SDK1: variants seen among roughly 807,000 people sequenced by gnomAD.
SDK1 encodes the protein sidekick cell adhesion molecule 1.
SDK1 carries 157 observed loss-of-function variants against 245.5 expected under a neutral mutation model. The observed-to-expected ratio is 0.64, with a 90% CI of 0.56 to 0.73. The LOEUF (loss-of-function observed/expected upper bound fraction) is 0.73, where lower values mean the gene tolerates loss of function less well. SDK1 is among the 30% of genes least tolerant of loss of function. The probability of loss-of-function intolerance (pLI) is 0.00; values close to 1 mark genes in which losing one functional copy is unlikely to be tolerated. For synonymous variants in SDK1, 1,647 were observed against 1,278.5 expected (o/e 1.29, Z -6.15); for missense variants, 3,583 against 3,002.3 (o/e 1.19, Z -4.52).
chr7:3,897,422 C>T (rs1781640222), intron 5 of SDK1, among the ~76,000 whole-genome samples: 1 of 152,274 alleles, frequency 6.6e-6, no homozygotes, highest in South Asian at 2.1e-4. Context: ...AATTCTACTA[C>T]TCTAGAGGCC....
At chr7:3,911,783 C>G (rs940867652) in intron 5 of SDK1, among the ~76,000 whole-genome samples, 1 of 152,178 alleles carries the variant, frequency 6.6e-6, no homozygotes, top group Non-Finnish European at 1.5e-5. Flanking sequence ...GTCAGCTGAA[C>G]AAGGAGCAGG....
intron 1 of SDK1, among the ~76,000 whole-genome samples, chr7:3,390,338 A>T (rs1212758023): frequency 6.6e-6 from 1 of 152,198 alleles, no homozygotes; most frequent in Non-Finnish European, 1.5e-5. Context: ...AGCTTTGCTC[A>T]TCAGCCTTTT....
chr7:3,579,738 GA>G (rs760723930), intron 1 of SDK1, among the ~76,000 whole-genome samples: 1 of 152,142 alleles, frequency 6.6e-6, no homozygotes, highest in Non-Finnish European at 1.5e-5. Context: ...AAACCATTTG[GA>G]AAGCAGTGTT....
At chr7:3,798,432 T>C (rs1182810260) in intron 4 of SDK1, among the ~76,000 whole-genome samples, 1 of 152,060 alleles carries the variant, frequency 6.6e-6, no homozygotes, top group Non-Finnish European at 1.5e-5. Flanking sequence ...TTAGCCATGA[T>C]GGTCTTGATC....
chr7:3,793,460 G>A (rs1314367592), intron 4 of SDK1, among the ~76,000 whole-genome samples: 1 of 152,210 alleles, frequency 6.6e-6, no homozygotes, highest in Admixed American at 6.5e-5. Flanking sequence ...CACAATGACG[G>A]TGGCTTTCAG....
chr7:3,987,938 C>G (rs1361628034), intron 14 of SDK1, among the ~76,000 whole-genome samples: 1 of 152,080 alleles, frequency 6.6e-6, no homozygotes, highest in Non-Finnish European at 1.5e-5. Flanking sequence ...TCCGCTCTCC[C>G]TGGAATCTCT....
At chr7:4,227,203 A>G (rs942906794) in intron 40 of SDK1, 11 of 319,072 alleles carry the variant, frequency 3.4e-5, no homozygotes, top group South Asian at 3.0e-4. Flanking sequence ...CAGCAGGTTC[A>G]GCAAGAGGGG....
intron 20 of SDK1, among the ~76,000 whole-genome samples, chr7:4,071,758 G>C (rs1780270895): frequency 1.3e-5 from 2 of 152,178 alleles, no homozygotes; most frequent in South Asian, 4.1e-4. Flanking sequence ...TTAGAGCTCT[G>C]CTTACCACTG....
At chr7:4,158,308 C>G in intron 30 of SDK1, 140 bp from the exon 31 acceptor site, 1 of 639,570 alleles carries the variant, frequency 1.6e-6, no homozygotes, top group Non-Finnish European at 2.7e-6. Flanking sequence ...CCTTGCTAAG[C>G]TGTCTCGGGC....
At chr7:3,879,447 A>G (rs1781152589) in intron 5 of SDK1, among the ~76,000 whole-genome samples, 1 of 152,168 alleles carries the variant, frequency 6.6e-6, no homozygotes, top group South Asian at 2.1e-4. Flanking sequence ...CTTGCCCCTG[A>G]TGTCAGAACT....
intron 4 of SDK1, among the ~76,000 whole-genome samples, chr7:3,673,909 T>C (rs1490153236): frequency 1.3e-5 from 2 of 152,202 alleles, no homozygotes; most frequent in Non-Finnish European, 2.9e-5. Context: ...TTCTTAAATA[T>C]AAACCCAAAG....
intron 1 of SDK1, among the ~76,000 whole-genome samples, chr7:3,441,397 CA>C (rs1467398926): frequency 6.7e-6 from 1 of 149,230 alleles, no homozygotes; most frequent in East Asian, 1.9e-4. Flanking sequence ...AAACAAAAAA[CA>C]AACAAAAAAA....
rs777131507 is a variant in SDK1, at chr7:3,821,496, A to G, written c.760A>G (p.Ser254Gly). 7 of 1,613,848 alleles carry G rather than the reference A, an allele frequency of 4.3e-6. No individual in the cohort carries two copies. The highest frequency in any genetic ancestry group is 5.9e-6 in the Non-Finnish European group (7 of 1,179,858). The change falls in exon 5 of 45, where the codon AGT becomes GGT. Residue 254 changes from serine (S) to glycine (G), a missense_variant. Coordinates refer to ENST00000404826, the MANE Select transcript of SDK1 (RefSeq NM_152744.4). Reference protein sequence around the residue: ...NQLVILATTTSDAGAYYVQAV... With the variant: ...NQLVILATTTGDAGAYYVQAV... The stretch of plus-strand genomic sequence containing the variant: ...GCTGGTGATCCTCGCCACCACAACC[A>G]GTGATGCCGGGGCATACTACGTGCA...
chr7:3,972,308 T>TGAGCTCGTGATCCACCTGTCTC, intron 12 of SDK1, among the ~76,000 whole-genome samples: 1 of 152,276 alleles, frequency 6.6e-6, no homozygotes, highest in African/African-American at 2.4e-5. Context: ...CTCGATGTCT[T>TGAGCTCGTGATCCACCTGTCTC]GACCTCGTGA....
At chr7:3,951,507 A>C (rs898442814) in intron 6 of SDK1, among the ~76,000 whole-genome samples, 1 of 152,194 alleles carries the variant, frequency 6.6e-6, no homozygotes, top group Non-Finnish European at 1.5e-5. Context: ...TGCTGCGGCA[A>C]TTAGATATCC....
chr7:3,405,176 A>C (rs942034639), intron 1 of SDK1, among the ~76,000 whole-genome samples: 6 of 143,416 alleles, frequency 4.2e-5, no homozygotes, highest in African/African-American at 1.7e-4. Flanking sequence ...AAAAACAAAA[A>C]CAAAAACAAA....
At chr7:3,555,282 C>T (rs903402831) in intron 1 of SDK1, among the ~76,000 whole-genome samples, 2 of 152,124 alleles carry the variant, frequency 1.3e-5, no homozygotes, top group Non-Finnish European at 2.9e-5. Context: ...AATCTATACA[C>T]CTACAGTGAA....
rs138238904 is a variant in SDK1 at position 3,771,139 on chromosome 7, C to G, written c.714-50311C>G. Among the ~76,000 whole-genome samples the G allele has an allele frequency of 9.5e-4, 144 of 152,196 alleles. 1 individual carries two copies. The highest frequency in any genetic ancestry group is 3.3e-3 in the African/African-American group (135 of 41,532). On this transcript the variant is annotated intron_variant, in intron 4 of 44. Transcript: ENST00000404826. ...GGAGATCAACTGGCTATGGGCTCAT[C>G]TAGCATGGCCTCAGCTTGCACAGTC...
intron 1 of SDK1, among the ~76,000 whole-genome samples, chr7:3,605,321 T>A (rs1781386749): frequency 1.3e-5 from 2 of 152,258 alleles, no homozygotes; most frequent in Non-Finnish European, 2.9e-5. Flanking sequence ...AAAGCATACG[T>A]AGCTCAGTGC....
Sources: gnomAD v4.1 joint callset for allele counts (sites outside exome capture counted in the v4.1 genomes callset) on GRCh38, gnomAD v4.1.1 for gene constraint, MANE v1.5 for transcripts, NCBI Gene and HGNC (gene_info 2026-07-23, HGNC 2026-07-21) for gene names.